Variants in ATP10B observed in about 807,000 individuals in gnomAD.
ATP10B encodes ATPase phospholipid transporting 10B (putative).
In ATP10B, 122 loss-of-function variants were observed where a neutral mutation model predicts 141.2. The observed-to-expected ratio is 0.86, with a 90% CI of 0.75 to 1.00. ATP10B has a LOEUF of 1.00. ATP10B is among the 50% of genes least tolerant of loss of function. The pLI is 0.00. For missense variants in ATP10B, 1,876 were observed against 1,825.3 expected, an observed-to-expected ratio of 1.03 and a Z score of -0.51; for synonymous variants, 685 against 692.0, an observed-to-expected ratio of 0.99 and a Z score of 0.16.
intron 1 of ATP10B, among the ~76,000 whole-genome samples, chr5:160,817,664 G>A (rs577401063): frequency 1.2e-3 from 189 of 152,104 alleles, no homozygotes; most frequent in African/African-American, 4.3e-3. Flanking sequence ...AGTTCATATG[G>A]AACCAAAAAA....
chr5:160,785,109 C>G (rs1004332486), intron 2 of ATP10B, among the ~76,000 whole-genome samples: 1 of 152,032 alleles, frequency 6.6e-6, no homozygotes, highest in African/African-American at 2.4e-5. Flanking sequence ...AAGAGACAAC[C>G]CACTGAAGAG....
intron 1 of ATP10B, among the ~76,000 whole-genome samples, chr5:160,804,037 G>T (rs968934184): frequency 1.3e-5 from 2 of 151,998 alleles, no homozygotes; most frequent in Non-Finnish European, 2.9e-5. Flanking sequence ...GTCCTCCTGT[G>T]TTCCAGAGCA....
At chr5:160,732,571 G>A (rs1408976686) in intron 2 of ATP10B, among the ~76,000 whole-genome samples, 1 of 152,138 alleles carries the variant, frequency 6.6e-6, no homozygotes, top group East Asian at 1.9e-4. Context: ...TTTTCCCAGT[G>A]TAAGTTCTTG....
the ATP10B span, among the ~76,000 whole-genome samples, chr5:160,913,250 G>A: frequency 9.2e-5 from 14 of 152,212 alleles, no homozygotes; most frequent in African/African-American, 3.1e-4. Context: ...ACCACACTGT[G>A]AAACTCAGTA....
At chr5:160,685,513 T>C (rs770928976) in intron 6 of ATP10B, 7 of 267,092 alleles carry the variant, frequency 2.6e-5, no homozygotes, top group Non-Finnish European at 4.9e-5. Context: ...CAACTCTGGG[T>C]CCTAAAACCT....
At chr5:160,707,931 C>T (rs1282549038) in intron 3 of ATP10B, among the ~76,000 whole-genome samples, 2 of 152,296 alleles carry the variant, frequency 1.3e-5, no homozygotes, top group Non-Finnish European at 1.5e-5. Flanking sequence ...GTGATGTCCC[C>T]CGGCTGGAAT....
At position 160,746,684 on chromosome 5, in the gene ATP10B, G is replaced by T. The variant is rs373771256; in HGVS notation, c.-330-29650C>A. Among the ~76,000 whole-genome samples, 367 of 152,272 alleles carry T rather than the reference G, an allele frequency of 2.4e-3. 1 individual carries two copies. Among genetic ancestry groups the T allele is most frequent in the African/African-American group, 8.4e-3 (351 of 41,558 alleles). On this transcript the variant is annotated intron_variant, in intron 2 of 25. Transcript: ENST00000327245. ...TGGGATTACAGGTATGAGCCACTGTGCCTGGTCTTTCAATTTTCCAACGTG... is the reference window on the plus strand; with the variant it reads ...TGGGATTACAGGTATGAGCCACTGTTCCTGGTCTTTCAATTTTCCAACGTG...
At chr5:160,775,484 A>G (rs1055271538) in intron 2 of ATP10B, among the ~76,000 whole-genome samples, 10 of 152,142 alleles carry the variant, frequency 6.6e-5, no homozygotes, top group African/African-American at 2.4e-4. Flanking sequence ...GATGCACCTT[A>G]TATGTGATTG....
chr5:160,686,449 T>C (rs1382157505), intron 5 of ATP10B, among the ~76,000 whole-genome samples, 176 bp from the exon 6 acceptor site: 1 of 152,200 alleles, frequency 6.6e-6, no homozygotes, highest in Non-Finnish European at 1.5e-5. Flanking sequence ...ATTATTTCCA[T>C]AGATTATTGG....
At chr5:160,919,307 T>C in the ATP10B span, among the ~76,000 whole-genome samples, 81,917 of 149,076 alleles carry the variant, frequency 0.55, 22,883 homozygotes, top group South Asian at 0.64. Flanking sequence ...ATTTATTCTT[T>C]CCATGAATAT....
At chr5:160,787,129 CACA>C (rs1389193749) in intron 1 of ATP10B, among the ~76,000 whole-genome samples, 3 of 120,164 alleles carry the variant, frequency 2.5e-5, no homozygotes, top group Non-Finnish European at 4.1e-5. Context: ...CACACACACA[CACA>C]CACACACACA....
intron 21 of ATP10B, among the ~76,000 whole-genome samples, chr5:160,601,945 G>A (rs922928374): frequency 2.0e-5 from 3 of 152,154 alleles, no homozygotes; most frequent in Non-Finnish European, 4.4e-5. Flanking sequence ...ATTCTGTGAC[G>A]TACTTTTCAC....
At chr5:160,724,758 C>T (rs1313220216) in intron 2 of ATP10B, among the ~76,000 whole-genome samples, 2 of 152,242 alleles carry the variant, frequency 1.3e-5, no homozygotes, top group South Asian at 4.1e-4. Flanking sequence ...CTGCAAACCT[C>T]CCTTGAGCAC....
intron 3 of ATP10B, among the ~76,000 whole-genome samples, chr5:160,696,505 G>A (rs953782795): frequency 2.0e-5 from 3 of 152,070 alleles, no homozygotes; most frequent in Non-Finnish European, 4.4e-5. Context: ...GGCACTGACA[G>A]GAACTACTTT....
rs561771489 is a variant in ATP10B, at chr5:160,757,655, T to A, written c.-331+27904A>T. ...TTTTTAAAATGGAATTTTAAACAGA[T>A]AAGCATAGGAAGACTGGAGAGTCAG... On this transcript the variant is annotated intron_variant, in intron 2 of 25. Coordinates refer to ENST00000327245, the MANE Select transcript of ATP10B (RefSeq NM_025153.3). Among the ~76,000 whole-genome samples, 6 of 152,294 alleles carry A rather than the reference T, an allele frequency of 3.9e-5. No individual in the cohort carries two copies. In the South Asian group the frequency reaches 1.2e-3, roughly 32 times the overall value.
intron 6 of ATP10B, among the ~76,000 whole-genome samples, chr5:160,670,951 G>A (rs1280273974): frequency 1.3e-5 from 2 of 151,964 alleles, no homozygotes; most frequent in African/African-American, 2.4e-5. Flanking sequence ...TGGATCATGA[G>A]GTCAGGAGTT....
chr5:160,714,873 C>A (rs797013815), intron 3 of ATP10B, among the ~76,000 whole-genome samples: 10 of 147,144 alleles, frequency 6.8e-5, no homozygotes, highest in East Asian at 2.0e-4. Flanking sequence ...AATACCCTGC[C>A]GTGTGAGGTG....
At chr5:160,674,690 A>G (rs560938722) in intron 6 of ATP10B, among the ~76,000 whole-genome samples, 1 of 152,278 alleles carries the variant, frequency 6.6e-6, no homozygotes, top group Admixed American at 6.5e-5. Flanking sequence ...ACAGAAGCAC[A>G]CATACCTCCA....
chr5:160,785,004 G>A (rs1771027031), intron 2 of ATP10B, among the ~76,000 whole-genome samples: 1 of 152,102 alleles, frequency 6.6e-6, no homozygotes, highest in South Asian at 2.1e-4. Flanking sequence ...CAATCATGGT[G>A]GTTCCATTTG....
Sources: gnomAD v4.1 joint callset for allele counts (sites outside exome capture counted in the v4.1 genomes callset) on GRCh38, gnomAD v4.1.1 for gene constraint, MANE v1.5 for transcripts, NCBI Gene and HGNC (gene_info 2026-07-23, HGNC 2026-07-21) for gene names.